Variants in TLN2 observed in about 807,000 individuals in gnomAD.
TLN2 encodes talin 2, also known as talin-2.
Under a neutral mutation model 294.7 loss-of-function variants are expected in TLN2, and 118 were observed. The ratio of observed to expected loss-of-function variants is 0.40; its 90% CI spans 0.34 to 0.47. The LOEUF is 0.47. Ranked by LOEUF, TLN2 falls within the 20% of genes least tolerant of loss-of-function variation. TLN2 has a pLI of 0.84. For synonymous variants in TLN2, 1,431 were observed against 1,304.5 expected (o/e 1.10, Z -2.09); for missense variants, 3,083 against 3,282.2 (o/e 0.94, Z 1.48).
intron 1 of TLN2, among the ~76,000 whole-genome samples, chr15:62,558,967 C>T (rs1175436052): frequency 2.0e-5 from 3 of 152,194 alleles, no homozygotes; most frequent in African/African-American, 7.2e-5. Flanking sequence ...GAGAAGCTTT[C>T]CTGCATTTGC....
chr15:62,542,337 G>A (rs949354588), intron 1 of TLN2, among the ~76,000 whole-genome samples: 8 of 147,314 alleles, frequency 5.4e-5, no homozygotes, highest in South Asian at 2.2e-4. Flanking sequence ...GACTACAGGC[G>A]CCTGCCACCG....
At chr15:62,670,436 C>T (rs2055259334) in intron 9 of TLN2, among the ~76,000 whole-genome samples, 1 of 152,160 alleles carries the variant, frequency 6.6e-6, no homozygotes, top group South Asian at 2.1e-4. Context: ...TGGTGCCGTC[C>T]AATTCTCTCT....
At chr15:62,648,610 T>C (rs533333268) in intron 4 of TLN2, among the ~76,000 whole-genome samples, 1 of 149,342 alleles carries the variant, frequency 6.7e-6, no homozygotes, top group Non-Finnish European at 1.5e-5. Flanking sequence ...GGCAACGATG[T>C]GATCTTGGCT....
At position 62,697,684 on chromosome 15, in the gene TLN2, G is replaced by T. The variant is rs765922566; in HGVS notation, c.1293-4G>T. 7.5e-6 allele frequency: 12 copies of T among 1,590,452 alleles called. No homozygotes were observed. On this transcript the variant is annotated splice_polypyrimidine_tract_variant and splice_region_variant and intron_variant, in intron 14 of 58. Coordinates refer to ENST00000636159, the MANE Select transcript of TLN2 (RefSeq NM_015059.3). ...CTCAGTGACCAAACCACTTTTCCCG[G>T]CAGGTCCACCATCTTGCAGCAGCAG...
At chr15:62,614,338 T>G (rs2048144208) in intron 2 of TLN2, among the ~76,000 whole-genome samples, 1 of 152,224 alleles carries the variant, frequency 6.6e-6, no homozygotes, top group South Asian at 2.1e-4. Flanking sequence ...TTAAAAACTT[T>G]CTGTCTTCTG....
rs753909331 is a variant in TLN2 at position 62,708,663 on chromosome 15, C to G, written c.2334C>G (p.Ser778Arg). Residue 778 changes from serine (S) to arginine (R), a missense_variant, in exon 21 of 59, where the codon AGC (serine) becomes AGG (arginine). By Grantham distance (110) the Ser-to-Arg change is moderately radical. Coordinates refer to ENST00000636159, the MANE Select transcript of TLN2 (RefSeq NM_015059.3). ...TCAGCGCAGCGGCCAGCGTGGTCAG[C>G]CAGGCCCTCCATGATCTCCTGCAGC... is the stretch of plus-strand genomic sequence containing the variant. ...KQVSAAASVV[S>R]QALHDLLQHV... 1.2e-6 allele frequency: 2 copies of G among 1,614,190 alleles called. No homozygotes were observed. The highest frequency in any genetic ancestry group is 1.7e-6 in the Non-Finnish European group (2 of 1,180,046).
chr15:62,833,654 C>T lies in TLN2; in HGVS notation c.7128+25C>T, dbSNP rs190222044. On this transcript the variant is annotated intron_variant, in intron 55 of 58. Transcript: ENST00000636159. ...GGTGGGTAAAGCCGCTGACCACATG[C>T]GGGACACTCAACGTACGAGAGCCTC... 679 of 1,610,810 alleles carry T rather than the reference C, an allele frequency of 4.2e-4. 3 individuals are homozygous for T. In the African/African-American group the frequency reaches 8.0e-3, roughly 19 times the overall value.
intron 45 of TLN2, among the ~76,000 whole-genome samples, chr15:62,789,801 A>G (rs372511624): frequency 1.2e-4 from 19 of 152,346 alleles, no homozygotes; most frequent in African/African-American, 4.3e-4. Flanking sequence ...ATGTTCTTCA[A>G]AACCCACGGA....
intron 54 of TLN2, chr15:62,829,010 C>G (rs1313466782): frequency 6.6e-6 from 1 of 152,042 alleles, no homozygotes; most frequent in Admixed American, 6.6e-5. Flanking sequence ...GACTCCCACC[C>G]CAGACCTACC....
At chr15:62,725,177 G>A (rs2060368938) in intron 27 of TLN2, 73 bp downstream of exon 27, 1 of 1,522,876 alleles carries the variant, frequency 6.6e-7, no homozygotes, top group South Asian at 1.3e-5. Flanking sequence ...TGTTGTTAGG[G>A]TGTTTGCTAA....
chr15:62,433,337 C>G (rs1015739645), intron 1 of TLN2, among the ~76,000 whole-genome samples: 1 of 152,150 alleles, frequency 6.6e-6, no homozygotes, highest in East Asian at 1.9e-4. Context: ...TGTGGTATCC[C>G]TCTGGACTAA....
At chr15:62,558,142 T>C (rs907402776) in intron 1 of TLN2, among the ~76,000 whole-genome samples, 1 of 152,246 alleles carries the variant, frequency 6.6e-6, no homozygotes, top group Non-Finnish European at 1.5e-5. Context: ...ATTTAAATCG[T>C]GTTTGTATGG....
intron 15 of TLN2, 111 bp downstream of exon 15, chr15:62,697,979 C>A: frequency 1.5e-6 from 2 of 1,334,764 alleles, no homozygotes; most frequent in Non-Finnish European, 2.0e-6. Context: ...TATTTCCCGG[C>A]TGAACCATGC....
At chr15:62,729,712 C>T (rs1045703656) in intron 28 of TLN2, among the ~76,000 whole-genome samples, 1 of 152,004 alleles carries the variant, frequency 6.6e-6, no homozygotes, top group Non-Finnish European at 1.5e-5. Context: ...CTTTTTCTTT[C>T]AATTGGAGTA....
chr15:62,672,732 T>A (rs74574426), intron 9 of TLN2, among the ~76,000 whole-genome samples: 3,677 of 152,058 alleles, frequency 0.024, 76 homozygotes, highest in South Asian at 0.05. Context: ...ACTGGTTCCT[T>A]TTAGTGGAAA....
intron 1 of TLN2, among the ~76,000 whole-genome samples, chr15:62,401,492 C>T (rs777540833): frequency 2.0e-5 from 3 of 152,102 alleles, no homozygotes; most frequent in South Asian, 2.1e-4. Context: ...GTTTAAGTGG[C>T]GCTTTGCAGG....
intron 9 of TLN2, among the ~76,000 whole-genome samples, chr15:62,673,072 T>TTGTGTGTGTGTTTGTG (rs1555464937): frequency 6.9e-6 from 1 of 144,798 alleles, no homozygotes; most frequent in East Asian, 2.0e-4. Flanking sequence ...CCTAATTTAA[T>TTGTGTGTGTGTTTGTG]TGTGTGTGTG....
intron 23 of TLN2, 63 bp downstream of exon 23, chr15:62,716,522 A>T: frequency 6.5e-7 from 1 of 1,531,892 alleles, no homozygotes; most frequent in South Asian, 1.3e-5. Context: ...ATTTGAAAAG[A>T]TAGTTGAATT....
At chr15:62,777,265 G>A (rs546762974) in intron 43 of TLN2, among the ~76,000 whole-genome samples, 50 of 152,248 alleles carry the variant, frequency 3.3e-4, no homozygotes, top group African/African-American at 1.1e-3. Flanking sequence ...GGCCGGGCGC[G>A]GTGGCTCACA....
Sources: allele counts gnomAD v4.1 joint callset (sites outside exome capture counted in the v4.1 genomes callset), GRCh38; gene constraint gnomAD v4.1.1; transcripts MANE v1.5; gene names NCBI Gene and HGNC (gene_info 2026-07-23, HGNC 2026-07-21).